WDR45: variants seen among roughly 807,000 people sequenced by gnomAD.
The protein encoded by WDR45 is WD repeat domain 45, also known as WD repeat domain phosphoinositide-interacting protein 4.
A neutral mutation model predicts 27.3 loss-of-function variants in WDR45; 2 were observed. The observed-to-expected ratio is 0.07, with a 90% CI of 0.03 to 0.23. The LOEUF is 0.23. Among genes scored for constraint, WDR45 ranks in the 10% least tolerant of loss-of-function variants. The probability of loss-of-function intolerance (pLI) is 1.00; values close to 1 mark genes in which losing one functional copy is unlikely to be tolerated. For missense variants in WDR45, 175 were observed against 311.9 expected, an observed-to-expected ratio of 0.56 and a Z score of 3.31; for synonymous variants, 99 against 119.2, an observed-to-expected ratio of 0.83 and a Z score of 1.11.
chrX:49,085,736 G>A (rs1208617154), intron 2 of WDR45, among the ~76,000 whole-genome samples: 1 of 111,499 alleles, frequency 9.0e-6, no homozygotes, highest in Non-Finnish European at 1.9e-5. Context: ...AGTTAGCTGG[G>A]AGTGATGGCG....
chrX:49,091,742 C>A (rs2065106635), intron 2 of WDR45, among the ~76,000 whole-genome samples: 1 of 59,120 alleles, frequency 1.7e-5, no homozygotes, highest in African/African-American at 7.2e-5. Context: ...GGCGACAGAG[C>A]GAGACTCCGT....
chrX:49,077,804 C>T, intron 3 of WDR45, 33 bp downstream of exon 3: 1 of 1,209,508 alleles, frequency 8.3e-7, no homozygotes, highest in East Asian at 3.0e-5. Flanking sequence ...CCCAGCTCTT[C>T]TGCCCATTGC....
chrX:49,078,927 T>G (rs1443856479), intron 1 of WDR45: 1 of 111,832 alleles, frequency 8.9e-6, no homozygotes, highest in Non-Finnish European at 1.9e-5. Flanking sequence ...CCCCAGGAAC[T>G]CCTCTGCTCA....
In WDR45 at chrX:49,076,631, C is replaced by T; in HGVS notation, c.341+14G>A. 1 of 1,206,720 alleles carries T rather than the reference C, an allele frequency of 8.3e-7. No homozygotes were observed. Among genetic ancestry groups the T allele is most frequent in the Non-Finnish European group, 1.1e-6 (1 of 891,538 alleles). On this transcript the variant is annotated intron_variant, in intron 5 of 10. Coordinates refer to ENST00000376372, the MANE Select transcript of WDR45 (RefSeq NM_001029896.2). ...GGACCTCCTACCTCCCACCCCGGTC[C>T]TCCTCAGGCTCACTTGTCATGGCGC...
At chrX:49,084,232 T>C (rs933352745), upstream of WDR45, among the ~76,000 whole-genome samples, 252 of 105,832 alleles carry the variant, frequency 2.4e-3, no homozygotes, top group Middle Eastern at 4.7e-3. Flanking sequence ...GTATTTTTAG[T>C]AGAGACGGGG....
chrX:49,075,983 AGAG>A lies in WDR45; in HGVS notation c.437-41_437-39del, dbSNP rs782380988. Reference sequence around the variant, plus strand: ...GATGGGGGGTGGGGTGGGCGGCTGAAGAGGAGGCAGCATCTCAGAATGGACAGA... The same window carrying A: ...GATGGGGGGTGGGGTGGGCGGCTGAAGAGGCAGCATCTCAGAATGGACAGA... On this transcript the variant is annotated intron_variant, in intron 6 of 10. Transcript: ENST00000376372. 4 of 1,069,676 alleles carry A rather than the reference AGAG, an allele frequency of 3.7e-6. No homozygotes were observed. In the African/African-American group the frequency reaches 7.3e-5, roughly 19 times the overall value. The allele number at this position is 1,069,676 out of a possible 1,213,427, so 88.2% of individuals were successfully genotyped here.
intron 2 of WDR45, among the ~76,000 whole-genome samples, chrX:49,087,472 G>A (rs1370950682): frequency 1.8e-5 from 2 of 112,209 alleles, no homozygotes; most frequent in Non-Finnish European, 3.8e-5. Flanking sequence ...GCAGTGAGTC[G>A]AGATTGTGCC....
Position 49,074,607 on chromosome X carries a change from T to C in WDR45, c.*196A>G, listed in dbSNP as rs1209687910. 22 of 431,147 alleles carry C rather than the reference T, an allele frequency of 5.1e-5. No individual in the cohort carries two copies. The highest frequency in any genetic ancestry group is 8.9e-5 in the Non-Finnish European group (22 of 248,538). The allele number at this position is 431,147 out of a possible 1,213,427, so 35.5% of individuals were successfully genotyped here. A position where few individuals can be genotyped will look rare whatever the true frequency, so the allele number is the denominator to read the frequency against. ...TCGCTGCCTTCCTGGGTCTCTGGCC[T>C]GGCCCTTGGGGCACACAGTCATCAA... On this transcript the variant is annotated 3_prime_UTR_variant, in exon 11 of 11. Transcript: ENST00000376372.
intron 2 of WDR45, among the ~76,000 whole-genome samples, chrX:49,085,998 T>G (rs1271955949): frequency 7.1e-5 from 8 of 112,382 alleles, no homozygotes; most frequent in African/African-American, 2.6e-4. Context: ...AAACATGATT[T>G]TTTTTAATTG....
intron 8 of WDR45, 33 bp downstream of exon 8, chrX:49,075,512 G>T (rs782202008): frequency 1.7e-6 from 2 of 1,211,180 alleles, no homozygotes; most frequent in South Asian, 3.5e-5. Context: ...GTGGTATGGG[G>T]TCACCAGCCC....
At position 49,087,704 on chromosome X, in the gene WDR45, A is replaced by G. The variant is rs782008989; in HGVS notation, c.-17-9592T>C. ...AGGAGCAGAGCCAAGAGAAGATTCCAGAAAGTCAAAGGAAAAAGCATTTCA... is the reference window on the plus strand; with the variant it reads ...AGGAGCAGAGCCAAGAGAAGATTCCGGAAAGTCAAAGGAAAAAGCATTTCA... On this transcript the variant is annotated intron_variant, in intron 2 of 11. Coordinates refer to the WDR45 transcript ENST00000356463. 1.8e-4 allele frequency among the ~76,000 whole-genome samples: 20 copies of G among 111,956 alleles called. No homozygotes were observed. The South Asian group carries it at 7.0e-3, about 39-fold the overall frequency.
rs149509552 is a variant in WDR45, at chrX:49,075,271, C to T, written c.838G>A (p.Val280Met). 2,715 of 1,209,412 alleles carry T rather than the reference C, an allele frequency of 2.2e-3. 51 individuals carry two copies. The Admixed American group carries it at 0.049, about 22-fold the overall frequency. Residue 280 changes from valine to methionine, a missense_variant, in exon 10 of 11, where the codon GTG (valine) becomes ATG (methionine). This residue lies in a region of WDR45 where 71 missense variants were observed against 123.0 expected (regional missense o/e 0.58). Coordinates refer to ENST00000376372, the MANE Select transcript of WDR45 (RefSeq NM_001029896.2). ...CCAATCATAGGCCCCACCTTGCCCA[C>T]GCGAGCCAGCCTGCAGGCAGCACTG... ...RLNRRSALAR[V>M]GKVGPMIGQY...
intron 2 of WDR45, among the ~76,000 whole-genome samples, chrX:49,092,880 A>G (rs1160046395): frequency 8.9e-6 from 1 of 112,301 alleles, no homozygotes; most frequent in African/African-American, 3.2e-5. Flanking sequence ...TGGGAACTGC[A>G]ATCCTAACTC....
At chrX:49,095,667 A>G (rs1229685921) in intron 2 of WDR45, among the ~76,000 whole-genome samples, 1 of 104,473 alleles carries the variant, frequency 9.6e-6, no homozygotes, top group African/African-American at 3.5e-5. Context: ...TCACCATGTT[A>G]GCCAGGATGG....
rs1349152708 is a variant in WDR45 at position 49,074,650 on chromosome X, T to G, written c.*153A>C. ...GTCATCAAGAAGTGCTGGGGGGAAG[T>G]GAGCTCTTTATTTAGACATAGCTCT... is the stretch of plus-strand genomic sequence containing the variant. On this transcript the variant is annotated 3_prime_UTR_variant, in exon 11 of 11. Transcript: ENST00000376372. The G allele has an allele frequency of 2.1e-6, 1 of 469,606 alleles. No individual in the cohort carries two copies. The highest frequency in any genetic ancestry group is 3.7e-5 in the East Asian group (1 of 27,391). 38.7% of individuals were successfully genotyped at this position (469,606 alleles called of 1,213,427 possible).
intron 2 of WDR45, among the ~76,000 whole-genome samples, chrX:49,093,071 G>T (rs2065112997): frequency 9.1e-6 from 1 of 109,807 alleles, no homozygotes; most frequent in Non-Finnish European, 1.9e-5. Context: ...AAGTAGCTGG[G>T]ATTACAGGTG....
upstream of WDR45, among the ~76,000 whole-genome samples, chrX:49,084,892 C>T (rs1367298385): frequency 9.0e-6 from 1 of 111,413 alleles, no homozygotes; most frequent in African/African-American, 3.3e-5. Context: ...GCCTCGGCCT[C>T]CTAAAGTGCT....
In WDR45 at chrX:49,091,154, G is replaced by C. The variant is rs782231791; in HGVS notation, c.-18+9051C>G. On this transcript the variant is annotated intron_variant, in intron 2 of 11. Transcript: ENST00000356463. The stretch of plus-strand genomic sequence containing the variant: ...AACTTTTATAGAGTGAAAGAACTTA[G>C]AGAGAGCTAGTCTTGGTGGCTCATG... Among the ~76,000 whole-genome samples, 13 of 110,693 alleles carry C rather than the reference G, an allele frequency of 1.2e-4. No individual in the cohort carries two copies. The South Asian group carries it at 5.0e-3, about 43-fold the overall frequency.
chrX:49,082,645 C>T (rs1237422721), upstream of WDR45, among the ~76,000 whole-genome samples: 1 of 111,776 alleles, frequency 8.9e-6, no homozygotes, highest in East Asian at 2.8e-4. Context: ...AATCACTTCT[C>T]TGCCCTCTCC....
Sources: allele counts gnomAD v4.1 joint callset (sites outside exome capture counted in the v4.1 genomes callset), GRCh38; gene constraint gnomAD v4.1.1; regional missense constraint gnomAD v4.1.1; transcripts MANE v1.5; gene names NCBI Gene and HGNC (gene_info 2026-07-23, HGNC 2026-07-21).